Variants in PHACTR2 observed in about 807,000 individuals in gnomAD.
PHACTR2 encodes chromosome 6 open reading frame 56.
In PHACTR2, 30 loss-of-function variants were observed where a neutral mutation model predicts 76.0. The ratio of observed to expected loss-of-function variants is 0.39; its 90% CI spans 0.30 to 0.54. The LOEUF (loss-of-function observed/expected upper bound fraction) is 0.54, where lower values mean the gene tolerates loss of function less well. Ranked by LOEUF, PHACTR2 falls within the 20% of genes least tolerant of loss-of-function variation. The pLI, the probability that PHACTR2 is intolerant of heterozygous loss-of-function variation, is 0.61. For missense variants in PHACTR2, 696 were observed against 781.1 expected, an observed-to-expected ratio of 0.89 and a Z score of 1.30; for synonymous variants, 292 against 292.5, an observed-to-expected ratio of 1.00 and a Z score of 0.02.
rs2474153 is a variant in PHACTR2, at chr6:143,751,533, G to T, written c.296-2221G>T. On this transcript the variant is annotated intron_variant, in intron 3 of 12. Coordinates refer to ENST00000440869, the MANE Select transcript of PHACTR2 (RefSeq NM_001100164.2). The surrounding 1 kb of genome is among the most constrained non-coding windows in gnomAD (Gnocchi z 5.7). Reference sequence around the variant, plus strand: ...CATACATGATTTTCTCTTTCTATCTGTCCCTCCTTTAACTATGATATATCC... The same window carrying T: ...CATACATGATTTTCTCTTTCTATCTTTCCCTCCTTTAACTATGATATATCC... 0.014 allele frequency among the ~76,000 whole-genome samples: 2,115 copies of T among 151,892 alleles called. 21 individuals are homozygous for T. Among genetic ancestry groups the T allele is most frequent in the Middle Eastern group, 0.027 (8 of 294 alleles).
chr6:143,566,203 ATCC>A (rs1246165200), intron 1 of PHACTR2, among the ~76,000 whole-genome samples: 1 of 152,164 alleles, frequency 6.6e-6, no homozygotes, highest in Non-Finnish European at 1.5e-5. Context: ...GCCTCAAGCA[ATCC>A]TCCTGCCTCA....
Position 143,646,009 on chromosome 6 carries a change from T to C in PHACTR2, c.13+37687T>C, listed in dbSNP as rs1347808576. On this transcript the variant is annotated intron_variant, in intron 1 of 11. Transcript: ENST00000305766. This position sits in a 1 kb window ranked among gnomAD's most constrained non-coding sequence, Gnocchi z 4.1. Reference sequence around the variant, plus strand: ...TATAACAATAGTCTATCAGAAAAGATGAAGCATAGATTTAAAAAAACTGGA... The same window carrying C: ...TATAACAATAGTCTATCAGAAAAGACGAAGCATAGATTTAAAAAAACTGGA... Among the ~76,000 whole-genome samples the C allele has an allele frequency of 6.6e-6, 1 of 152,142 alleles. No individual in the cohort carries two copies. Among genetic ancestry groups the C allele is most frequent in the Non-Finnish European group, 1.5e-5 (1 of 67,996 alleles).
intron 11 of PHACTR2, among the ~76,000 whole-genome samples, chr6:143,792,154 A>C (rs1209917342): frequency 6.6e-6 from 1 of 152,194 alleles, no homozygotes; most frequent in Non-Finnish European, 1.5e-5. Flanking sequence ...TAGATTTAAC[A>C]CAAGTGCCCT....
chr6:143,771,205 T>TATAC (rs1775121581), intron 6 of PHACTR2, among the ~76,000 whole-genome samples: 1 of 85,462 alleles, frequency 1.2e-5, no homozygotes, highest in Admixed American at 1.2e-4. Context: ...TATATATATA[T>TATAC]ATATATATAT....
chr6:143,741,018 C>T (rs1237302674), intron 2 of PHACTR2, among the ~76,000 whole-genome samples: 1 of 152,220 alleles, frequency 6.6e-6, no homozygotes, highest in Non-Finnish European at 1.5e-5. Context: ...GAGGCTGAGG[C>T]AGGCGGATCA....
rs757687284 is a variant in PHACTR2, at chr6:143,807,850, G to A, written c.1922+717G>A. Among the ~76,000 whole-genome samples the A allele has an allele frequency of 2.0e-5, 3 of 152,132 alleles. No homozygotes were observed. Among genetic ancestry groups the A allele is most frequent in the Non-Finnish European group, 2.9e-5 (2 of 68,026 alleles). On this transcript the variant is annotated intron_variant, in intron 12 of 12. Transcript: ENST00000440869. The surrounding 1 kb of genome is among the most constrained non-coding windows in gnomAD (Gnocchi z 5.5). ...CCCTAAGCTACAGCCATACATCCTG[G>A]TGCCACTGTTCCTGCAGTCCCGGTG... is the stretch of plus-strand genomic sequence containing the variant.
At chr6:143,693,710 C>T (rs548333564) in intron 1 of PHACTR2, among the ~76,000 whole-genome samples, 8 of 152,294 alleles carry the variant, frequency 5.3e-5, no homozygotes, top group African/African-American at 1.2e-4. Context: ...CCCCACTCAC[C>T]TCAACAGTGC....
chr6:143,676,433 TG>T (rs1474843537), upstream of PHACTR2, among the ~76,000 whole-genome samples: 3 of 152,248 alleles, frequency 2.0e-5, no homozygotes, highest in Non-Finnish European at 4.4e-5. The surrounding 1 kb of genome is among the most constrained non-coding windows in gnomAD (Gnocchi z 4.8). Context: ...ATATTTTGAA[TG>T]TGCAAAAGGT....
Position 143,598,902 on chromosome 6 carries a change from T to C in PHACTR2, c.217+61695T>C, listed in dbSNP as rs1342367420. 6.6e-6 allele frequency among the ~76,000 whole-genome samples: 1 copy of C among 152,236 alleles called. No individual in the cohort carries two copies. Among genetic ancestry groups the C allele is most frequent in the African/African-American group, 2.4e-5 (1 of 41,472 alleles). On this transcript the variant is annotated intron_variant, in intron 1 of 11. Coordinates refer to the PHACTR2 transcript ENST00000367584. This position sits in a 1 kb window ranked among gnomAD's most constrained non-coding sequence, Gnocchi z 4.1. ...AAATGGCTGGCATTGATGCTTTCTG[T>C]TATCTGTTCCAGGTTTAGTGGCGTG...
intron 2 of PHACTR2, among the ~76,000 whole-genome samples, chr6:143,745,773 G>A (rs888124776): frequency 2.0e-5 from 3 of 152,308 alleles, no homozygotes; most frequent in Non-Finnish European, 4.4e-5. Context: ...TGTTAAATAC[G>A]CTCTCAGCGA....
rs1434175692 is a variant in PHACTR2 at position 143,700,688 on chromosome 6, G to A, written c.47-11328G>A. Among the ~76,000 whole-genome samples the A allele has an allele frequency of 1.3e-5, 2 of 152,236 alleles. No individual in the cohort carries two copies. The highest frequency in any genetic ancestry group is 2.4e-5 in the African/African-American group (1 of 41,456). ...GACGCACATTCCCAGCATGAACAGG[G>A]TGATCATTATCCTATCATGGATGAG... is the stretch of plus-strand genomic sequence containing the variant. On this transcript the variant is annotated intron_variant, in intron 1 of 12. Coordinates refer to ENST00000440869, the MANE Select transcript of PHACTR2 (RefSeq NM_001100164.2). This position sits in a 1 kb window ranked among gnomAD's most constrained non-coding sequence, Gnocchi z 4.1.
Position 143,695,859 on chromosome 6 carries a change from A to G in PHACTR2, c.47-16157A>G, listed in dbSNP as rs1368493052. ...TAAAATGCAACTTCCTGTGTTTAGC[A>G]GCCGTAGCAACACATCTTATACGGT... On this transcript the variant is annotated intron_variant, in intron 1 of 12. Coordinates refer to ENST00000440869, the MANE Select transcript of PHACTR2 (RefSeq NM_001100164.2). This position sits in a 1 kb window ranked among gnomAD's most constrained non-coding sequence, Gnocchi z 4.4. Among the ~76,000 whole-genome samples, 1 of 152,244 alleles carries G rather than the reference A, an allele frequency of 6.6e-6. No homozygotes were observed. The highest frequency in any genetic ancestry group is 2.4e-5 in the African/African-American group (1 of 41,474).
At position 143,624,962 on chromosome 6, in the gene PHACTR2, C is replaced by A. The variant is rs1287201737; in HGVS notation, c.13+16640C>A. 6.6e-6 allele frequency among the ~76,000 whole-genome samples: 1 copy of A among 152,058 alleles called. No homozygotes were observed. The highest frequency in any genetic ancestry group is 2.1e-4 in the South Asian group (1 of 4,818). ...TTTGAGGTCAGGAGTACAAGACCAGCCTGGTCAACATGGTGAAAACCCGTA... is the reference window on the plus strand; with the variant it reads ...TTTGAGGTCAGGAGTACAAGACCAGACTGGTCAACATGGTGAAAACCCGTA... On this transcript the variant is annotated intron_variant, in intron 1 of 11. Coordinates refer to the PHACTR2 transcript ENST00000305766. The surrounding 1 kb of genome is among the most constrained non-coding windows in gnomAD (Gnocchi z 4.6).
intron 2 of PHACTR2, among the ~76,000 whole-genome samples, chr6:143,734,774 A>G (rs1469281892): frequency 6.6e-6 from 1 of 152,168 alleles, no homozygotes; most frequent in African/African-American, 2.4e-5. Flanking sequence ...TTAAGAGAAG[A>G]TCCGATTGTT....
intron 2 of PHACTR2, among the ~76,000 whole-genome samples, chr6:143,732,116 C>G (rs141550672): frequency 2.0e-5 from 3 of 152,190 alleles, no homozygotes; most frequent in African/African-American, 7.2e-5. Context: ...CCCCAGAATT[C>G]TTTAAATTAA....
At chr6:143,763,418 G>C (rs1333586993) in intron 5 of PHACTR2, among the ~76,000 whole-genome samples, 1 of 152,192 alleles carries the variant, frequency 6.6e-6, no homozygotes, top group Non-Finnish European at 1.5e-5. Flanking sequence ...ATGTGGAAAG[G>C]ATTCTGTTTA....
In PHACTR2 at chr6:143,806,235, A is replaced by C. The variant is rs1006919120; in HGVS notation, c.1846-822A>C. ...CGTAAGCATCCCCTCAAATACCAAA[A>C]ATTACGTGACACGGATTATGTGTTC... is the stretch of plus-strand genomic sequence containing the variant. On this transcript the variant is annotated intron_variant, in intron 11 of 12. Coordinates refer to ENST00000440869, the MANE Select transcript of PHACTR2 (RefSeq NM_001100164.2). This position sits in a 1 kb window ranked among gnomAD's most constrained non-coding sequence, Gnocchi z 5.8. Among the ~76,000 whole-genome samples the C allele has an allele frequency of 1.3e-5, 2 of 152,198 alleles. No homozygotes were observed. The highest frequency in any genetic ancestry group is 2.9e-5 in the Non-Finnish European group (2 of 68,042).
In PHACTR2 at chr6:143,794,222, C is replaced by T. The variant is rs1158204459; in HGVS notation, c.1845+5312C>T. On this transcript the variant is annotated intron_variant, in intron 11 of 12. Transcript: ENST00000440869. The surrounding 1 kb of genome is among the most constrained non-coding windows in gnomAD (Gnocchi z 4.1). ...CAAAGATCCTAAGACTATCAATGGT[C>T]TTAGTGTATATTTTATTTTAGAATG... 6.6e-6 allele frequency among the ~76,000 whole-genome samples: 1 copy of T among 151,518 alleles called. No homozygotes were observed. The highest frequency in any genetic ancestry group is 1.9e-4 in the East Asian group (1 of 5,184).
intron 1 of PHACTR2, among the ~76,000 whole-genome samples, chr6:143,634,176 C>T (rs1269427457): frequency 6.6e-6 from 1 of 152,116 alleles, no homozygotes; most frequent in African/African-American, 2.4e-5. Flanking sequence ...ATTTCTTTTT[C>T]CTTTTGCAGC....
Sources: gnomAD v4.1 joint callset for allele counts (sites outside exome capture counted in the v4.1 genomes callset) on GRCh38, gnomAD v4.1.1 for gene constraint, Gnocchi (gnomAD v3.1) non-coding constraint, MANE v1.5 for transcripts, NCBI Gene and HGNC (gene_info 2026-07-23, HGNC 2026-07-21) for gene names.